Variants in CACNB4 observed in about 807,000 individuals in gnomAD.
CACNB4 encodes calcium voltage-gated channel auxiliary subunit beta 4, also known as voltage-dependent L-type calcium channel subunit beta-4.
Under a neutral mutation model 71.2 loss-of-function variants are expected in CACNB4, and 32 were observed. The ratio of observed to expected loss-of-function variants is 0.45; its 90% CI spans 0.34 to 0.60. The LOEUF (loss-of-function observed/expected upper bound fraction) is 0.60, where lower values mean the gene tolerates loss of function less well. CACNB4 is among the 20% of genes least tolerant of loss of function. The pLI, the probability that CACNB4 is intolerant of heterozygous loss-of-function variation, is 0.01. For synonymous variants in CACNB4, 231 were observed against 236.9 expected (o/e 0.97, Z 0.23); for missense variants, 464 against 647.9 (o/e 0.72, Z 3.08).
chr2:151,915,660 T>G (rs1042194235), intron 2 of CACNB4, among the ~76,000 whole-genome samples: 1 of 151,994 alleles, frequency 6.6e-6, no homozygotes, highest in Non-Finnish European at 1.5e-5. Flanking sequence ...CTGGCCAACA[T>G]AGTGAAACCA....
chr2:151,961,357 C>T (rs891081779), intron 2 of CACNB4, among the ~76,000 whole-genome samples: 1 of 152,218 alleles, frequency 6.6e-6, no homozygotes, highest in African/African-American at 2.4e-5. Flanking sequence ...GCCCTCTTAG[C>T]TTAGCTTCTC....
intron 2 of CACNB4, among the ~76,000 whole-genome samples, chr2:151,921,176 A>AG (rs2099858914): frequency 1.2e-4 from 7 of 60,832 alleles, no homozygotes; most frequent in Admixed American, 2.7e-4. Flanking sequence ...TAAATAAATA[A>AG]ATAAATAAGT....
intron 10 of CACNB4, chr2:151,857,023 C>T (rs2099840492): frequency 6.6e-6 from 1 of 152,136 alleles, no homozygotes; most frequent in Non-Finnish European, 1.5e-5. Flanking sequence ...TTAAACGACC[C>T]TAAAGATGGC....
chr2:152,020,151 G>C (rs1384591995), intron 2 of CACNB4, among the ~76,000 whole-genome samples: 1 of 152,190 alleles, frequency 6.6e-6, no homozygotes, highest in Non-Finnish European at 1.5e-5. Context: ...TACCCTTTAG[G>C]GAAAGGAGAG....
At chr2:152,068,274 C>T (rs1442795437) in intron 2 of CACNB4, among the ~76,000 whole-genome samples, 1 of 152,158 alleles carries the variant, frequency 6.6e-6, no homozygotes, top group African/African-American at 2.4e-5. Flanking sequence ...AGAGCAATAT[C>T]CCCTTGCCTA....
At chr2:152,018,924 G>A (rs1683501395) in intron 2 of CACNB4, among the ~76,000 whole-genome samples, 2 of 151,830 alleles carry the variant, frequency 1.3e-5, no homozygotes, top group Admixed American at 1.3e-4. Flanking sequence ...CTAGTATGAG[G>A]TCATTCTCTC....
chr2:151,943,004 T>C (rs943133536), intron 2 of CACNB4, among the ~76,000 whole-genome samples: 1 of 152,222 alleles, frequency 6.6e-6, no homozygotes, highest in African/African-American at 2.4e-5. Flanking sequence ...CTTTGTCCTA[T>C]TCCCTTAGAA....
At chr2:151,883,530 A>G in intron 2 of CACNB4, 160 bp from the exon 3 acceptor site, 1 of 693,270 alleles carries the variant, frequency 1.4e-6, no homozygotes. Flanking sequence ...GAATATAGTT[A>G]AGCATCTGAG....
intron 4 of CACNB4, chr2:151,879,584 G>A (rs2099847316): frequency 1.3e-5 from 2 of 152,176 alleles, no homozygotes; most frequent in Admixed American, 1.3e-4. Context: ...ACTTGTGCCA[G>A]CTCTCTACAG....
intron 2 of CACNB4, among the ~76,000 whole-genome samples, chr2:151,953,259 A>G (rs1051304613): frequency 1.3e-5 from 2 of 152,014 alleles, no homozygotes; most frequent in Non-Finnish European, 2.9e-5. Context: ...GATCTGTCCA[A>G]TACCTGCTGG....
chr2:152,045,280 A>C lies in CACNB4; in HGVS notation c.147+53050T>G, dbSNP rs562498803. On this transcript the variant is annotated intron_variant, in intron 2 of 13. Transcript: ENST00000539935. ...AAAGGTAGAAACAGTCCAAGTGTCC[A>C]TCAACAGAGGAGTAGCTAAAGACAA... is the stretch of plus-strand genomic sequence containing the variant. 2.0e-3 allele frequency among the ~76,000 whole-genome samples: 309 copies of C among 152,352 alleles called. 1 individual carries two copies. Among genetic ancestry groups the C allele is most frequent in the Admixed American group, 3.9e-3 (59 of 15,306 alleles).
intron 2 of CACNB4, among the ~76,000 whole-genome samples, chr2:151,955,103 C>T (rs963699864): frequency 6.6e-6 from 1 of 152,154 alleles, no homozygotes; most frequent in African/African-American, 2.4e-5. Flanking sequence ...GATCCGCCCA[C>T]CTCAGCCTCC....
chr2:151,863,816 T>C (rs1395010277), intron 9 of CACNB4, among the ~76,000 whole-genome samples: 1 of 150,120 alleles, frequency 6.7e-6, no homozygotes, highest in African/African-American at 2.5e-5. Context: ...TATTTGCTAA[T>C]ACAAGTTAGT....
chr2:151,893,843 C>A (rs943770842), intron 2 of CACNB4, among the ~76,000 whole-genome samples: 12 of 152,114 alleles, frequency 7.9e-5, no homozygotes, highest in African/African-American at 2.7e-4. Flanking sequence ...GGTTTAATAT[C>A]CTTCATATCC....
rs754052209 is a variant in CACNB4 at position 151,883,380 on chromosome 2, A to G, written c.148-10T>C. On this transcript the variant is annotated splice_polypyrimidine_tract_variant and intron_variant, in intron 2 of 13. Transcript: ENST00000539935. ...AGGAATCCGCTGAACCCTGGCAAAG[A>G]AAATAGAATAGTTTCAGATGATGTG... The G allele has an allele frequency of 6.2e-7, 1 of 1,613,652 alleles. No homozygotes were observed. The highest frequency in any genetic ancestry group is 1.1e-5 in the South Asian group (1 of 91,076).
At chr2:151,964,651 A>G (rs2099870576) in intron 2 of CACNB4, among the ~76,000 whole-genome samples, 2 of 152,258 alleles carry the variant, frequency 1.3e-5, no homozygotes, top group South Asian at 2.1e-4. Flanking sequence ...CATGTTAAAC[A>G]TGGGAGGAAA....
chr2:151,902,203 T>C (rs1222817640), intron 2 of CACNB4, among the ~76,000 whole-genome samples: 1 of 152,228 alleles, frequency 6.6e-6, no homozygotes, highest in African/African-American at 2.4e-5. Context: ...GACTAACTTA[T>C]TATTTTTTGT....
chr2:152,055,880 C>G lies in CACNB4; in HGVS notation c.147+42450G>C, dbSNP rs116173611. ...GTGACAAAGAGCAGTCAAGGCACAG[C>G]AAGTGAGTGGCGACCGAAGCTCAGT... On this transcript the variant is annotated intron_variant, in intron 2 of 13. Coordinates refer to ENST00000539935, the MANE Select transcript of CACNB4 (RefSeq NM_000726.5). Among the ~76,000 whole-genome samples, 380 of 152,244 alleles carry G rather than the reference C, an allele frequency of 2.5e-3. 1 individual carries two copies. The highest frequency in any genetic ancestry group is 8.8e-3 in the African/African-American group (367 of 41,552).
intron 2 of CACNB4, chr2:151,970,730 ATGGGTTCATC>A (rs2099872296): frequency 6.6e-6 from 1 of 152,260 alleles, no homozygotes; most frequent in Non-Finnish European, 1.5e-5. Flanking sequence ...TGGGCTAGGT[ATGGGTTCATC>A]TGGAAGCACA....
Sources: allele counts gnomAD v4.1 joint callset (sites outside exome capture counted in the v4.1 genomes callset), GRCh38; gene constraint gnomAD v4.1.1; transcripts MANE v1.5; gene names NCBI Gene and HGNC (gene_info 2026-07-23, HGNC 2026-07-21).